The following EPHA6 variants were observed in gnomAD, a reference collection of about 807,000 sequenced individuals.
EPHA6 encodes the protein EPH receptor A6, also known as ephrin type-A receptor 6.
Under a neutral mutation model 112.0 loss-of-function variants are expected in EPHA6, and 50 were observed. That is an observed-to-expected ratio of 0.45 (90% confidence interval 0.36 to 0.56). EPHA6 has a LOEUF of 0.56. Ranked by LOEUF, EPHA6 falls within the 20% of genes least tolerant of loss-of-function variation. The probability of loss-of-function intolerance (pLI) is 0.00; values close to 1 mark genes in which losing one functional copy is unlikely to be tolerated. For synonymous variants in EPHA6, 529 were observed against 490.7 expected (o/e 1.08, Z -1.03); for missense variants, 1,280 against 1,417.4 (o/e 0.90, Z 1.56).
intron 3 of EPHA6, among the ~76,000 whole-genome samples, chr3:97,212,861 G>A (rs1446284422): frequency 6.6e-6 from 1 of 152,100 alleles, no homozygotes; most frequent in Admixed American, 6.6e-5. Context: ...CTGTGTGTGT[G>A]TATATAACCC....
chr3:97,727,569 A>G (rs1054098394), intron 15 of EPHA6, among the ~76,000 whole-genome samples: 3 of 152,040 alleles, frequency 2.0e-5, no homozygotes, highest in Non-Finnish European at 4.4e-5. Flanking sequence ...TAGATTTTCC[A>G]AACTCTACTT....
chr3:97,500,504 T>C (rs2092091983), intron 10 of EPHA6, among the ~76,000 whole-genome samples: 1 of 152,000 alleles, frequency 6.6e-6, no homozygotes, highest in South Asian at 2.1e-4. Context: ...CTCGCTATTA[T>C]GAGAACAGCA....
At chr3:97,236,771 T>C (rs1294113911) in intron 4 of EPHA6, among the ~76,000 whole-genome samples, 7 of 152,094 alleles carry the variant, frequency 4.6e-5, no homozygotes, top group African/African-American at 1.7e-4. Context: ...ATGGTTTCTT[T>C]AGTGCTGGAA....
chr3:97,291,516 C>T (rs2080682866), intron 5 of EPHA6, among the ~76,000 whole-genome samples: 1 of 152,076 alleles, frequency 6.6e-6, no homozygotes, highest in African/African-American at 2.4e-5. Flanking sequence ...TTCCAATATA[C>T]TACATAGAGT....
intron 4 of EPHA6, among the ~76,000 whole-genome samples, chr3:97,243,377 C>T (rs1475505085): frequency 6.6e-6 from 1 of 151,810 alleles, no homozygotes; most frequent in Non-Finnish European, 1.5e-5. Flanking sequence ...TTGTTGCCTT[C>T]AATTTTCATT....
At chr3:97,468,559 A>G (rs2091132501) in intron 7 of EPHA6, among the ~76,000 whole-genome samples, 2 of 151,586 alleles carry the variant, frequency 1.3e-5, no homozygotes, top group South Asian at 2.1e-4. Flanking sequence ...TAAGTTGACT[A>G]TTTTTACTTT....
chr3:96,955,528 T>C (rs2041723461), intron 2 of EPHA6, among the ~76,000 whole-genome samples: 1 of 152,198 alleles, frequency 6.6e-6, no homozygotes, highest in South Asian at 2.1e-4. Flanking sequence ...TGTTTCTGTT[T>C]AATATTTGTA....
chr3:97,257,535 A>G (rs2108611596), intron 5 of EPHA6, among the ~76,000 whole-genome samples: 1 of 152,178 alleles, frequency 6.6e-6, no homozygotes, highest in South Asian at 2.1e-4. Flanking sequence ...TTCTTTGGAA[A>G]ATGGTAATGC....
At chr3:97,082,577 T>C (rs1264644386) in intron 3 of EPHA6, among the ~76,000 whole-genome samples, 1 of 151,948 alleles carries the variant, frequency 6.6e-6, no homozygotes, top group African/African-American at 2.4e-5. Context: ...TTTAAAGCTT[T>C]CATTTAAGAA....
chr3:96,943,532 T>C (rs2041091887), intron 2 of EPHA6, among the ~76,000 whole-genome samples: 1 of 152,226 alleles, frequency 6.6e-6, no homozygotes, highest in Admixed American at 6.5e-5. Context: ...ACTGGGGTGA[T>C]AGCTGTTCTG....
At chr3:97,676,579 T>A (rs377277954) in intron 14 of EPHA6, among the ~76,000 whole-genome samples, 75 of 152,156 alleles carry the variant, frequency 4.9e-4, no homozygotes, top group African/African-American at 1.8e-3. Flanking sequence ...AAAAATGAGA[T>A]CAGCAAAACT....
chr3:96,823,769 T>G lies in EPHA6; in HGVS notation c.385+8761T>G, dbSNP rs566072185. ...TGGAAAATTGTAGAATACTAGAACA[T>G]TTAATGAGAGAAGTTCATTGTCACC... On this transcript the variant is annotated intron_variant, in intron 1 of 17. Transcript: ENST00000389672. Among the ~76,000 whole-genome samples the G allele has an allele frequency of 2.1e-3, 323 of 151,934 alleles. 1 individual carries two copies. The highest frequency in any genetic ancestry group is 2.3e-3 in the Non-Finnish European group (159 of 67,776).
chr3:96,869,375 CAA>C (rs200135336), intron 2 of EPHA6, among the ~76,000 whole-genome samples: 13 of 100,268 alleles, frequency 1.3e-4, no homozygotes, highest in East Asian at 5.0e-4. Flanking sequence ...TCAGCTCTTT[CAA>C]AAAAAAAAAA....
At chr3:96,844,362 GACA>G (rs1165330393) in intron 1 of EPHA6, among the ~76,000 whole-genome samples, 1 of 151,958 alleles carries the variant, frequency 6.6e-6, no homozygotes, top group Admixed American at 6.6e-5. Context: ...CTGACTCTGT[GACA>G]ACATACAAAA....
intron 3 of EPHA6, among the ~76,000 whole-genome samples, chr3:97,063,303 A>G (rs1559703260): frequency 6.6e-6 from 1 of 152,220 alleles, no homozygotes; most frequent in Non-Finnish European, 1.5e-5. Context: ...AATTAACCCA[A>G]ATCCCCATCA....
At chr3:97,468,540 G>A (rs768712271) in intron 7 of EPHA6, among the ~76,000 whole-genome samples, 1 of 151,266 alleles carries the variant, frequency 6.6e-6, no homozygotes, top group African/African-American at 2.4e-5. Context: ...AAAGATATCA[G>A]TATAATACTA....
intron 14 of EPHA6, among the ~76,000 whole-genome samples, chr3:97,703,143 T>G (rs1003851944): frequency 1.3e-5 from 2 of 152,158 alleles, no homozygotes; most frequent in Non-Finnish European, 2.9e-5. Flanking sequence ...GACGTGAAAC[T>G]TCCTCTAGAT....
At chr3:97,337,061 G>C (rs1256172627) in intron 5 of EPHA6, among the ~76,000 whole-genome samples, 1 of 151,906 alleles carries the variant, frequency 6.6e-6, no homozygotes, top group Non-Finnish European at 1.5e-5. Flanking sequence ...GTACTTTAAA[G>C]ATACTAGAAT....
At chr3:96,844,214 A>C (rs1003467627) in intron 1 of EPHA6, among the ~76,000 whole-genome samples, 6 of 152,050 alleles carry the variant, frequency 3.9e-5, no homozygotes, top group African/African-American at 4.8e-5. Context: ...TCCTAAGAAC[A>C]AAATCTAGTG....
Sources: gnomAD v4.1 joint callset for allele counts (sites outside exome capture counted in the v4.1 genomes callset) on GRCh38, gnomAD v4.1.1 for gene constraint, MANE v1.5 for transcripts, NCBI Gene and HGNC (gene_info 2026-07-23, HGNC 2026-07-21) for gene names.